The following TTLL5 variants were observed in gnomAD, a reference collection of about 807,000 sequenced individuals.
The protein encoded by TTLL5 is tubulin polyglutamylase TTLL5.
Under a neutral mutation model 168.4 loss-of-function variants are expected in TTLL5, and 132 were observed. The observed-to-expected ratio is 0.78, with a 90% CI of 0.68 to 0.91. TTLL5 has a LOEUF of 0.91. TTLL5 is among the 40% of genes least tolerant of loss of function. The pLI, the probability that TTLL5 is intolerant of heterozygous loss-of-function variation, is 0.00. For missense variants in TTLL5, 1,545 were observed against 1,581.5 expected (o/e 0.98, Z 0.39); for synonymous variants, 546 against 558.6 (o/e 0.98, Z 0.32).
chr14:75,925,216 C>T (rs1419831993), intron 31 of TTLL5, among the ~76,000 whole-genome samples: 4 of 147,730 alleles, frequency 2.7e-5, no homozygotes, highest in South Asian at 2.2e-4. Context: ...CCGGACGGGG[C>T]GGCTGGCCTG....
intron 31 of TTLL5, among the ~76,000 whole-genome samples, chr14:75,909,744 C>T (rs181848276): frequency 6.6e-6 from 1 of 152,344 alleles, no homozygotes; most frequent in Non-Finnish European, 1.5e-5. Flanking sequence ...AGCACTTCAT[C>T]CGTAGCCTGT....
intron 6 of TTLL5, among the ~76,000 whole-genome samples, chr14:75,696,685 T>C (rs1885898853): frequency 6.6e-6 from 1 of 152,204 alleles, no homozygotes; most frequent in Non-Finnish European, 1.5e-5. Flanking sequence ...GTGAAAAGAC[T>C]CTTTTCTCCT....
At chr14:75,775,214 C>T (rs1891647509) in intron 21 of TTLL5, among the ~76,000 whole-genome samples, 2 of 152,116 alleles carry the variant, frequency 1.3e-5, no homozygotes, top group African/African-American at 4.8e-5. Flanking sequence ...ACTTTTACAA[C>T]TGCTACTTTA....
chr14:75,841,046 A>ACCAGAT (rs979500544), intron 28 of TTLL5, among the ~76,000 whole-genome samples: 6 of 152,168 alleles, frequency 3.9e-5, no homozygotes, highest in Non-Finnish European at 7.3e-5. Flanking sequence ...TCTTAAAACA[A>ACCAGAT]CCAGATTTCG....
intron 7 of TTLL5, among the ~76,000 whole-genome samples, chr14:75,701,712 C>G (rs997685884): frequency 1.3e-5 from 2 of 152,188 alleles, no homozygotes; most frequent in African/African-American, 4.8e-5. Context: ...CTCCTGGCCT[C>G]ACTGTTCCAA....
Position 75,924,428 on chromosome 14 carries a change from C to A in TTLL5, c.3823+22204C>A, listed in dbSNP as rs576369654. Among the ~76,000 whole-genome samples, 60 of 151,810 alleles carry A rather than the reference C, an allele frequency of 4.0e-4. No homozygotes were observed. In the South Asian group the frequency reaches 0.01, roughly 26 times the overall value. On this transcript the variant is annotated intron_variant, in intron 31 of 31. Transcript: ENST00000298832. ...TGGTTTTCCTAGGCAGAGGACCCTG[C>A]GGCCTTCCGCAGTGTTTGTGTCCCT...
chr14:75,677,387 TCTC>T (rs1300403248), intron 3 of TTLL5, among the ~76,000 whole-genome samples: 4 of 136,480 alleles, frequency 2.9e-5, no homozygotes, highest in Non-Finnish European at 4.7e-5. Flanking sequence ...TCTCTCTCTC[TCTC>T]TTTTTTTTTT....
In TTLL5 at chr14:75,662,329, G is replaced by T. The variant is rs868484694; in HGVS notation, c.-95-726G>T. On this transcript the variant is annotated intron_variant, in intron 1 of 31. Coordinates refer to ENST00000298832, the MANE Select transcript of TTLL5 (RefSeq NM_015072.5). ...TAAATGTTGGCAGGGGTTTTTTGTT[G>T]TTTTTTTTTTTTTGAGACGGAGTTC... Among the ~76,000 whole-genome samples the T allele has an allele frequency of 5.2e-3, 737 of 141,780 alleles. 4 individuals carry two copies. The highest frequency in any genetic ancestry group is 0.018 in the African/African-American group (702 of 39,186). The allele number at this position is 141,780 out of a possible 152,430, so 93.0% of individuals were successfully genotyped here.
At chr14:75,727,907 G>A in intron 12 of TTLL5, 2 of 464,204 alleles carry the variant, frequency 4.3e-6, no homozygotes, top group South Asian at 1.6e-5. Context: ...AGTCCTTTTG[G>A]GGTGATGGAA....
rs1458574281 is a variant in TTLL5 at position 75,863,684 on chromosome 14, G to T, written c.3344G>T (p.Gly1115Val). The change falls in exon 29 of 32, where the codon GGA becomes GTA. Residue 1115 changes from glycine to valine, a missense_variant. Physicochemically the swap from Gly to Val is moderately radical, Grantham distance 109. Coordinates refer to ENST00000298832, the MANE Select transcript of TTLL5 (RefSeq NM_015072.5). Reference sequence around the variant, plus strand: ...CTCTTCAGGAGCCTGCAGACAGGGGGATTTGCCTGGGAAGGAGAAGTAGAA... The same window carrying T: ...CTCTTCAGGAGCCTGCAGACAGGGGTATTTGCCTGGGAAGGAGAAGTAGAA... ...SPGSRSLQTG[G>V]FAWEGEVENN... is the part of the protein sequence containing the mutation. The T allele has an allele frequency of 1.2e-6, 2 of 1,610,432 alleles. No homozygotes were observed. The highest frequency in any genetic ancestry group is 1.7e-6 in the Non-Finnish European group (2 of 1,178,376).
rs149318076 is a variant in TTLL5 at position 75,885,799 on chromosome 14, A to G, written c.3740+2897A>G. 6.3e-3 allele frequency among the ~76,000 whole-genome samples: 959 copies of G among 152,346 alleles called. 6 individuals are homozygous for G. The highest frequency in any genetic ancestry group is 9.9e-3 in the Non-Finnish European group (674 of 68,036). On this transcript the variant is annotated intron_variant, in intron 30 of 31. Transcript: ENST00000298832. ...TTCCTATTTTAAAATGGGAATAGTAATAGTACCTGCCTCATAGGGTTATTA... is the reference window on the plus strand; with the variant it reads ...TTCCTATTTTAAAATGGGAATAGTAGTAGTACCTGCCTCATAGGGTTATTA...
chr14:75,699,091 C>G, intron 6 of TTLL5, 97 bp from the exon 7 acceptor site: 1 of 1,103,484 alleles, frequency 9.1e-7, no homozygotes, highest in Admixed American at 2.0e-5. Context: ...TTTGGGTTCC[C>G]TGAGTAGATA....
intron 5 of TTLL5, chr14:75,684,403 A>G (rs1421879780): frequency 6.6e-6 from 1 of 152,232 alleles, no homozygotes; most frequent in Non-Finnish European, 1.5e-5. Context: ...GTCTAATTTA[A>G]TTCTAGTAAT....
intron 25 of TTLL5, 26 bp from the exon 26 acceptor site, chr14:75,783,121 G>A (rs1251063279): frequency 3.8e-6 from 6 of 1,573,168 alleles, no homozygotes; most frequent in Non-Finnish European, 4.3e-6. Flanking sequence ...CTATAATGAT[G>A]TCTTGTTTTG....
rs369916219 is a variant in TTLL5 at position 75,663,200 on chromosome 14, G to C, written c.51G>C (p.Glu17Asp). Residue 17 changes from glutamate to aspartate, a missense_variant, in exon 2 of 32, where the codon GAG becomes GAC. Coordinates refer to ENST00000298832, the MANE Select transcript of TTLL5 (RefSeq NM_015072.5). Reference sequence around the variant, plus strand: ...TGGAGGAAACAGCATCATCCTCAGAGGATGAGGAGGTCATAAGTCAAGAGT... The same window carrying C: ...TGGAGGAAACAGCATCATCCTCAGACGATGAGGAGGTCATAAGTCAAGAGT... ...RDLEETASSS[E>D]DEEVISQEDH... The C allele has an allele frequency of 9.5e-5, 153 of 1,613,346 alleles. No homozygotes were observed. Among genetic ancestry groups the C allele is most frequent in the Admixed American group, 2.5e-4 (15 of 59,944 alleles).
intron 31 of TTLL5, among the ~76,000 whole-genome samples, chr14:75,939,841 T>G (rs1273679693): frequency 6.6e-6 from 1 of 152,222 alleles, no homozygotes. Flanking sequence ...CTAGAAGCTA[T>G]TCTAGAAGAG....
At chr14:75,850,206 A>G (rs1896770050) in intron 28 of TTLL5, among the ~76,000 whole-genome samples, 1 of 151,960 alleles carries the variant, frequency 6.6e-6, no homozygotes, top group African/African-American at 2.4e-5. Flanking sequence ...CGGGAGTTCG[A>G]GACCAGCCTG....
intron 6 of TTLL5, among the ~76,000 whole-genome samples, chr14:75,698,873 C>G (rs1487750390): frequency 6.6e-6 from 1 of 151,440 alleles, no homozygotes; most frequent in Non-Finnish European, 1.5e-5. Context: ...CCACTGCACT[C>G]CAGCCTGGTC....
chr14:75,674,008 A>G (rs1883951542), intron 3 of TTLL5, among the ~76,000 whole-genome samples: 1 of 152,228 alleles, frequency 6.6e-6, no homozygotes, highest in Non-Finnish European at 1.5e-5. Flanking sequence ...TGCTTGTCAC[A>G]TAAAGTAATC....
Sources: gnomAD v4.1 joint callset for allele counts (sites outside exome capture counted in the v4.1 genomes callset) on GRCh38, gnomAD v4.1.1 for gene constraint, MANE v1.5 for transcripts, NCBI Gene and HGNC (gene_info 2026-07-23, HGNC 2026-07-21) for gene names.